Variants in CTNNA3 observed in about 807,000 individuals in gnomAD.
The protein encoded by CTNNA3 is catenin alpha 3.
A neutral mutation model predicts 95.7 loss-of-function variants in CTNNA3; 76 were observed. The ratio of observed to expected loss-of-function variants is 0.79; its 90% confidence interval spans 0.66 to 0.96. CTNNA3 has a LOEUF of 0.96. Ranked by LOEUF, CTNNA3 falls within the 40% of genes least tolerant of loss-of-function variation. The pLI, the probability that CTNNA3 is intolerant of heterozygous loss-of-function variation, is 0.00. For missense variants in CTNNA3, 1,191 were observed against 1,089.8 expected (o/e 1.09, Z -1.31); for synonymous variants, 431 against 374.4 (o/e 1.15, Z -1.74).
intron 1 of CTNNA3, among the ~76,000 whole-genome samples, chr10:67,701,330 C>T (rs1841037732): frequency 6.6e-6 from 1 of 152,078 alleles, no homozygotes; most frequent in South Asian, 2.1e-4. Flanking sequence ...TTGTCAGATT[C>T]ACCAAAGTTG....
At chr10:66,669,453 G>A (rs1248602626) in intron 9 of CTNNA3, among the ~76,000 whole-genome samples, 4 of 151,896 alleles carry the variant, frequency 2.6e-5, no homozygotes, top group South Asian at 2.1e-4. Flanking sequence ...TGAGGCACGA[G>A]AATCACTTGA....
intron 9 of CTNNA3, among the ~76,000 whole-genome samples, chr10:66,660,501 G>C: frequency 6.6e-6 from 1 of 152,296 alleles, no homozygotes; most frequent in Non-Finnish European, 1.5e-5. Flanking sequence ...TTATGGGATT[G>C]AGCCTTGCAA....
intron 11 of CTNNA3, among the ~76,000 whole-genome samples, chr10:66,474,772 C>T (rs1554971077): frequency 3.3e-5 from 5 of 151,966 alleles, no homozygotes; most frequent in African/African-American, 9.7e-5. Flanking sequence ...GTAGTTTTGA[C>T]TGAATTTCCC....
intron 9 of CTNNA3, among the ~76,000 whole-genome samples, chr10:66,686,254 A>G (rs1847292476): frequency 1.3e-5 from 2 of 152,040 alleles, no homozygotes; most frequent in South Asian, 4.2e-4. Flanking sequence ...TATTGCTCCA[A>G]GAATACTCTT....
Position 66,011,690 on chromosome 10 carries a change from T to C in CTNNA3, c.2160-22893A>G, listed in dbSNP as rs571276208. 1.2e-4 allele frequency among the ~76,000 whole-genome samples: 19 copies of C among 152,312 alleles called. No individual in the cohort carries two copies. In the South Asian group the frequency reaches 2.1e-3, roughly 17 times the overall value. On this transcript the variant is annotated intron_variant, in intron 15 of 17. Transcript: ENST00000433211. ...AATCAAGCCTGGCACTTCTAATTCTTGTCCCATATTTATACTATTCCAGTT... is the reference window on the plus strand; with the variant it reads ...AATCAAGCCTGGCACTTCTAATTCTCGTCCCATATTTATACTATTCCAGTT...
intron 7 of CTNNA3, among the ~76,000 whole-genome samples, chr10:66,966,254 T>A (rs1450742517): frequency 6.6e-6 from 1 of 152,142 alleles, no homozygotes; most frequent in East Asian, 1.9e-4. Flanking sequence ...GAAAAATAAG[T>A]TCCTTTTAAA....
At chr10:66,731,118 A>T (rs1026395579) in intron 9 of CTNNA3, among the ~76,000 whole-genome samples, 5 of 152,226 alleles carry the variant, frequency 3.3e-5, no homozygotes, top group Non-Finnish European at 5.9e-5. Context: ...GGCCATATAT[A>T]AAAACAGGAG....
chr10:66,559,188 C>T (rs1842477235), intron 10 of CTNNA3, among the ~76,000 whole-genome samples: 1 of 152,052 alleles, frequency 6.6e-6, no homozygotes, highest in Non-Finnish European at 1.5e-5. Context: ...TATTCTTCTT[C>T]TCCTTGCAGC....
chr10:66,621,763 T>C lies in CTNNA3; in HGVS notation c.1303A>G (p.Met435Val), dbSNP rs377404952. 113 of 1,609,662 alleles carry C rather than the reference T, an allele frequency of 7.0e-5. 3 individuals carry two copies. Among genetic ancestry groups the C allele is most frequent in the East Asian group, 3.1e-4 (14 of 44,724 alleles). Residue 435 changes from methionine to valine, a missense_variant, in exon 10 of 18, where the codon ATG (methionine) becomes GTG (valine). Coordinates refer to ENST00000433211, the MANE Select transcript of CTNNA3 (RefSeq NM_013266.4). ...LVEVANLACS[M>V]STNEDGIKIV... ...TTAATTCCATCTTCATTTGTTGACA[T>C]GGAACAAGCAAGATTTGCCACCTTA...
chr10:65,944,167 C>G (rs1167736757), intron 17 of CTNNA3, among the ~76,000 whole-genome samples: 1 of 152,218 alleles, frequency 6.6e-6, no homozygotes, highest in Non-Finnish European at 1.5e-5. Flanking sequence ...GACAATTTTT[C>G]TCGGCTTTCA....
chr10:67,106,188 G>C (rs78687515), intron 7 of CTNNA3, among the ~76,000 whole-genome samples: 8,451 of 152,232 alleles, frequency 0.056, 345 homozygotes, highest in South Asian at 0.18. Context: ...TACCACAGGG[G>C]TACTGGAAGA....
At chr10:67,362,440 T>C (rs893701036) in intron 5 of CTNNA3, among the ~76,000 whole-genome samples, 1 of 152,130 alleles carries the variant, frequency 6.6e-6, no homozygotes, top group Non-Finnish European at 1.5e-5. Context: ...CAAGTGAGCT[T>C]CACTCCAATA....
At chr10:67,388,381 G>A (rs1844292593) in intron 5 of CTNNA3, among the ~76,000 whole-genome samples, 1 of 135,486 alleles carries the variant, frequency 7.4e-6, no homozygotes, top group African/African-American at 2.8e-5. Flanking sequence ...AAAGAAATGA[G>A]CAAAGCCTCC....
At chr10:66,560,200 G>A (rs967573586) in intron 10 of CTNNA3, among the ~76,000 whole-genome samples, 2 of 152,040 alleles carry the variant, frequency 1.3e-5, no homozygotes, top group African/African-American at 4.8e-5. Flanking sequence ...CATCTTCTAA[G>A]CAAAACACAG....
intron 13 of CTNNA3, among the ~76,000 whole-genome samples, chr10:66,223,474 C>A (rs2089079859): frequency 6.6e-6 from 1 of 152,154 alleles, no homozygotes; most frequent in South Asian, 2.1e-4. Context: ...TGATTATTCA[C>A]ACTAAATAGG....
At chr10:67,715,878 A>AT (rs949778932) in intron 1 of CTNNA3, among the ~76,000 whole-genome samples, 4 of 151,940 alleles carry the variant, frequency 2.6e-5, no homozygotes, top group Admixed American at 6.6e-5. Flanking sequence ...TGGGGCAGGT[A>AT]TTTTTTTTAA....
chr10:67,123,372 A>T (rs1236162964), intron 7 of CTNNA3, among the ~76,000 whole-genome samples: 1 of 152,194 alleles, frequency 6.6e-6, no homozygotes, highest in Non-Finnish European at 1.5e-5. Flanking sequence ...TGCCAACTAA[A>T]TAGTATCTAT....
At chr10:67,135,159 T>C (rs766918217) in intron 7 of CTNNA3, among the ~76,000 whole-genome samples, 14 of 151,714 alleles carry the variant, frequency 9.2e-5, no homozygotes, top group Middle Eastern at 3.4e-3. Context: ...AATAGTATAA[T>C]GATAAGTTCA....
intron 15 of CTNNA3, among the ~76,000 whole-genome samples, chr10:66,011,989 G>A (rs956935147): frequency 1.3e-5 from 2 of 152,038 alleles, no homozygotes; most frequent in Non-Finnish European, 2.9e-5. Flanking sequence ...ACACCCCAGT[G>A]GAAAGACCAT....
Sources: allele counts gnomAD v4.1 joint callset (sites outside exome capture counted in the v4.1 genomes callset), GRCh38; gene constraint gnomAD v4.1.1; transcripts MANE v1.5; gene names NCBI Gene and HGNC (gene_info 2026-07-23, HGNC 2026-07-21).